Variants in GRM1 observed in about 807,000 individuals in gnomAD.
GRM1 encodes the protein metabotropic glutamate receptor 1.
GRM1 carries 33 observed loss-of-function variants against 90.9 expected under a neutral mutation model. The observed-to-expected ratio is 0.36, with a 90% CI of 0.28 to 0.49. The LOEUF (loss-of-function observed/expected upper bound fraction) is 0.49. Ranked by LOEUF, GRM1 falls within the 20% of genes least tolerant of loss-of-function variation. The pLI, the probability that GRM1 is intolerant of heterozygous loss-of-function variation, is 0.99. For synonymous variants in GRM1, 700 were observed against 613.2 expected, an observed-to-expected ratio of 1.14 and a Z score of -2.09; for missense variants, 1,190 against 1,534.3, an observed-to-expected ratio of 0.78 and a Z score of 3.75.
chr6:146,132,286 G>T (rs559872153), intron 1 of GRM1, among the ~76,000 whole-genome samples: 16 of 146,682 alleles, frequency 1.1e-4, no homozygotes, highest in Non-Finnish European at 1.6e-4. Context: ...TGGATGTGGT[G>T]GGGGGGGACC....
intron 1 of GRM1, among the ~76,000 whole-genome samples, chr6:146,060,066 T>A (rs1247631749): frequency 6.6e-6 from 1 of 152,132 alleles, no homozygotes; most frequent in Non-Finnish European, 1.5e-5. Context: ...AGGGACTTTT[T>A]ATTTGCATTC....
intron 2 of GRM1, among the ~76,000 whole-genome samples, chr6:146,260,337 T>C (rs963264706): frequency 2.6e-5 from 4 of 152,174 alleles, no homozygotes; most frequent in African/African-American, 9.7e-5. Context: ...GAACTCATCC[T>C]TTTTTATGGC....
At chr6:146,052,960 A>G (rs1438167909) in intron 1 of GRM1, among the ~76,000 whole-genome samples, 4 of 152,168 alleles carry the variant, frequency 2.6e-5, no homozygotes, top group Non-Finnish European at 5.9e-5. Flanking sequence ...CATTTTTGAA[A>G]TAAAAAAACC....
In GRM1 at chr6:146,030,025, C is replaced by G; in HGVS notation, c.508C>G (p.Gln170Glu). ...TCCCGGCTCCAGCTCTGTAGCCATT[C>G]AAGTGCAGAACCTGCTCCAGCTCTT... ...IGPGSSSVAI[Q>E]VQNLLQLFDI... Residue 170 changes from glutamine (Q) to glutamate (E), a missense_variant, in exon 1 of 8, where the codon CAA becomes GAA. Coordinates refer to ENST00000282753, the MANE Select transcript of GRM1 (RefSeq NM_001278064.2). The G allele has an allele frequency of 1.2e-6, 2 of 1,614,192 alleles. No individual in the cohort carries two copies. The highest frequency in any genetic ancestry group is 1.7e-6 in the Non-Finnish European group (2 of 1,180,028).
intron 5 of GRM1, among the ~76,000 whole-genome samples, chr6:146,375,165 C>T (rs1234424288): frequency 6.6e-6 from 1 of 151,912 alleles, no homozygotes; most frequent in African/African-American, 2.4e-5. Flanking sequence ...TTAATTTCCA[C>T]GTAGTTTGTG....
At chr6:146,311,037 T>G (rs1783753309) in intron 3 of GRM1, among the ~76,000 whole-genome samples, 1 of 152,244 alleles carries the variant, frequency 6.6e-6, no homozygotes, top group South Asian at 2.1e-4. Context: ...GGAGCAATAG[T>G]TGGTTTAATT....
chr6:146,302,056 G>A (rs137998835), intron 2 of GRM1, among the ~76,000 whole-genome samples: 1 of 151,796 alleles, frequency 6.6e-6, no homozygotes, highest in Non-Finnish European at 1.5e-5. Flanking sequence ...CACCCCCATC[G>A]CATGCCATAC....
chr6:146,370,984 T>C (rs13198164), intron 5 of GRM1, among the ~76,000 whole-genome samples: 2 of 152,116 alleles, frequency 1.3e-5, no homozygotes, highest in African/African-American at 2.4e-5. Context: ...GTATGATATG[T>C]TTATGTAGTT....
At position 146,435,127 on chromosome 6, in the gene GRM1, T is replaced by C; in HGVS notation, c.*331T>C. The C allele has an allele frequency of 2.3e-6, 1 of 444,380 alleles. No homozygotes were observed. 27.5% of individuals were successfully genotyped at this position (444,380 alleles called of 1,614,324 possible). Reference sequence around the variant, plus strand: ...GTGACATCACAAACATAATGTCCTCTTTTGCACAATTGTGCATAGATATAT... The same window carrying C: ...GTGACATCACAAACATAATGTCCTCCTTTGCACAATTGTGCATAGATATAT... On this transcript the variant is annotated 3_prime_UTR_variant, in exon 8 of 8. Transcript: ENST00000282753.
chr6:146,220,135 T>G (rs961334399), intron 2 of GRM1, among the ~76,000 whole-genome samples: 10 of 152,160 alleles, frequency 6.6e-5, no homozygotes, highest in African/African-American at 2.4e-4. Flanking sequence ...CATTTAAATT[T>G]TTGGATACAT....
At chr6:146,349,744 T>C (rs1785327139) in intron 3 of GRM1, among the ~76,000 whole-genome samples, 1 of 152,200 alleles carries the variant, frequency 6.6e-6, no homozygotes, top group South Asian at 2.1e-4. Flanking sequence ...AGATGTATCA[T>C]AGGTATGAAT....
chr6:146,036,923 T>C (rs1222853444), intron 1 of GRM1, among the ~76,000 whole-genome samples: 1 of 151,922 alleles, frequency 6.6e-6, no homozygotes, highest in African/African-American at 2.4e-5. Flanking sequence ...TCAATAATAA[T>C]AACTATTATT....
intron 1 of GRM1, among the ~76,000 whole-genome samples, chr6:146,096,403 C>T (rs988481105): frequency 6.6e-6 from 1 of 152,160 alleles, no homozygotes; most frequent in African/African-American, 2.4e-5. Flanking sequence ...AAAGGTCACA[C>T]ACCTTACTTT....
At chr6:146,071,105 T>C (rs1307167436) in intron 1 of GRM1, among the ~76,000 whole-genome samples, 1 of 152,178 alleles carries the variant, frequency 6.6e-6, no homozygotes, top group African/African-American at 2.4e-5. Context: ...TTGGTCTGCT[T>C]CTTTGCATCA....
chr6:146,299,386 A>T (rs1410299772), intron 2 of GRM1, among the ~76,000 whole-genome samples: 1 of 151,104 alleles, frequency 6.6e-6, no homozygotes, highest in Admixed American at 6.6e-5. Context: ...ATTTTGCATT[A>T]AAAAAAATGT....
At chr6:146,328,306 A>G (rs1784467144) in intron 3 of GRM1, among the ~76,000 whole-genome samples, 2 of 152,186 alleles carry the variant, frequency 1.3e-5, no homozygotes, top group Admixed American at 6.5e-5. Context: ...ACACACACAC[A>G]TATACACACT....
At chr6:146,085,999 A>G (rs1168610410) in intron 1 of GRM1, among the ~76,000 whole-genome samples, 1 of 152,134 alleles carries the variant, frequency 6.6e-6, no homozygotes, top group African/African-American at 2.4e-5. Context: ...GGGGATATAG[A>G]AATATAAGTT....
At chr6:146,079,054 G>A (rs1016981450) in intron 1 of GRM1, among the ~76,000 whole-genome samples, 2 of 152,134 alleles carry the variant, frequency 1.3e-5, no homozygotes, top group Non-Finnish European at 1.5e-5. Flanking sequence ...GAACCGGAGG[G>A]GCCAGGCTCC....
intron 5 of GRM1, among the ~76,000 whole-genome samples, chr6:146,373,358 G>A (rs967084895): frequency 2.6e-5 from 4 of 152,166 alleles, no homozygotes; most frequent in Admixed American, 2.0e-4. Flanking sequence ...ATGGCAGAAG[G>A]TGAAGTGGAA....
Sources: allele counts gnomAD v4.1 joint callset (sites outside exome capture counted in the v4.1 genomes callset), GRCh38; gene constraint gnomAD v4.1.1; transcripts MANE v1.5; gene names NCBI Gene and HGNC (gene_info 2026-07-23, HGNC 2026-07-21).